Variants in PARVA observed in about 807,000 individuals in gnomAD.
PARVA encodes parvin alpha.
A neutral mutation model predicts 52.6 loss-of-function variants in PARVA; 25 were observed. That is an observed-to-expected ratio of 0.48 (90% CI 0.35 to 0.66). The LOEUF (loss-of-function observed/expected upper bound fraction) is 0.66, where lower values mean the gene tolerates loss of function less well. Among genes scored for constraint, PARVA ranks in the 30% least tolerant of loss-of-function variants. The probability of loss-of-function intolerance (pLI) is 0.01; values close to 1 mark genes in which losing one functional copy is unlikely to be tolerated. For synonymous variants in PARVA, 185 were observed against 179.1 expected, an observed-to-expected ratio of 1.03 and a Z score of -0.26; for missense variants, 373 against 450.9, an observed-to-expected ratio of 0.83 and a Z score of 1.56.
At chr11:12,422,378 A>C (rs1269620084) in intron 1 of PARVA, among the ~76,000 whole-genome samples, 2 of 152,240 alleles carry the variant, frequency 1.3e-5, no homozygotes, top group African/African-American at 4.8e-5. Flanking sequence ...AAGGATAAAA[A>C]ATATGGATGG....
intron 6 of PARVA, among the ~76,000 whole-genome samples, chr11:12,507,059 T>A (rs1352216896): frequency 2.4e-4 from 1 of 4,208 alleles, no homozygotes; most frequent in East Asian, 0.011. Flanking sequence ...AAATGATAGA[T>A]TTTTTTTTTT....
chr11:12,423,239 C>T (rs996899725), intron 1 of PARVA, among the ~76,000 whole-genome samples: 5 of 147,396 alleles, frequency 3.4e-5, no homozygotes, highest in East Asian at 4.0e-4. Context: ...ACTGCAGTGG[C>T]GTGAACACAG....
At chr11:12,513,625 A>G (rs1298675720) in intron 9 of PARVA, 2 of 633,048 alleles carry the variant, frequency 3.2e-6, no homozygotes, top group East Asian at 2.8e-5. Flanking sequence ...CCCACTCCTC[A>G]CAGAATTCCC....
At chr11:12,451,217 A>T (rs964863104) in intron 1 of PARVA, among the ~76,000 whole-genome samples, 2 of 152,106 alleles carry the variant, frequency 1.3e-5, no homozygotes, top group East Asian at 3.9e-4. Flanking sequence ...GGGTCCCCAA[A>T]CTAGTGGAAG....
chr11:12,439,218 A>G (rs1940428007), intron 1 of PARVA, among the ~76,000 whole-genome samples: 1 of 152,140 alleles, frequency 6.6e-6, no homozygotes, highest in Non-Finnish European at 1.5e-5. Context: ...GATGCATCTC[A>G]CTAGGAATAT....
At chr11:12,522,220 CAT>C (rs1247612602) in intron 12 of PARVA, among the ~76,000 whole-genome samples, 2 of 152,110 alleles carry the variant, frequency 1.3e-5, no homozygotes, top group African/African-American at 4.8e-5. Context: ...ATATTCATAT[CAT>C]GGATTATAAT....
intron 12 of PARVA, among the ~76,000 whole-genome samples, chr11:12,525,376 G>A (rs1941687594): frequency 1.3e-5 from 2 of 152,148 alleles, no homozygotes; most frequent in Admixed American, 1.3e-4. Flanking sequence ...GCCTATCATA[G>A]TCTGGCTCCA....
chr11:12,473,226 G>C (rs1323436033), intron 1 of PARVA, among the ~76,000 whole-genome samples: 2 of 152,190 alleles, frequency 1.3e-5, no homozygotes, highest in Non-Finnish European at 2.9e-5. Context: ...TTGGGTGGAG[G>C]TGGGAAGGCA....
At position 12,377,624 on chromosome 11, in the gene PARVA, G is replaced by A; in HGVS notation, c.-24G>A. On this transcript the variant is annotated 5_prime_UTR_variant, in exon 1 of 13. Transcript: ENST00000334956. ...CAGCGCCAGCTCCGCGTCCCGACCG[G>A]CCCGCGGCAGCCTGCGCCGCGCCAT... 2 of 1,561,606 alleles carry A rather than the reference G, an allele frequency of 1.3e-6. No homozygotes were observed. The highest frequency in any genetic ancestry group is 1.4e-5 in the African/African-American group (1 of 70,140).
Position 12,408,613 on chromosome 11 carries a change from A to G in PARVA, c.136+30830A>G, listed in dbSNP as rs78415688. On this transcript the variant is annotated intron_variant, in intron 1 of 12. Coordinates refer to ENST00000334956, the MANE Select transcript of PARVA (RefSeq NM_018222.5). ...GCTAACTAGTTCTGGGAAGTTGGCC[A>G]TATCACTTAGTTTTTTTCATTTATC... 5.9e-3 allele frequency among the ~76,000 whole-genome samples: 896 copies of G among 152,258 alleles called. 12 individuals are homozygous for G. The highest frequency in any genetic ancestry group is 0.021 in the African/African-American group (861 of 41,538).
intron 1 of PARVA, among the ~76,000 whole-genome samples, chr11:12,427,689 G>T (rs1380770872): frequency 2.6e-5 from 4 of 152,162 alleles, no homozygotes; most frequent in Non-Finnish European, 5.9e-5. Flanking sequence ...GTCATCAGCA[G>T]GGTTGAATAA....
intron 4 of PARVA, among the ~76,000 whole-genome samples, chr11:12,483,796 A>G (rs1169654547): frequency 6.6e-6 from 1 of 152,158 alleles, no homozygotes; most frequent in Non-Finnish European, 1.5e-5. Flanking sequence ...CCAATAAAAT[A>G]TTAGCTGCCA....
At chr11:12,517,001 G>A (rs150118491) in intron 10 of PARVA, among the ~76,000 whole-genome samples, 1 of 152,212 alleles carries the variant, frequency 6.6e-6, no homozygotes, top group African/African-American at 2.4e-5. Context: ...CCAGCCCTGT[G>A]TGACACTAGT....
At chr11:12,421,977 C>G (rs1342178395) in intron 1 of PARVA, among the ~76,000 whole-genome samples, 1 of 152,224 alleles carries the variant, frequency 6.6e-6, no homozygotes, top group Admixed American at 6.5e-5. Flanking sequence ...CCAGTTATTG[C>G]TGCTTTAACT....
At chr11:12,500,492 T>C (rs946621135) in intron 5 of PARVA, among the ~76,000 whole-genome samples, 3 of 152,138 alleles carry the variant, frequency 2.0e-5, no homozygotes, top group African/African-American at 7.2e-5. Context: ...AAAGAATATT[T>C]GAAAATAGGC....
intron 10 of PARVA, among the ~76,000 whole-genome samples, 170 bp downstream of exon 10, chr11:12,514,235 T>C (rs1405429970): frequency 6.6e-6 from 1 of 152,224 alleles, no homozygotes; most frequent in Non-Finnish European, 1.5e-5. Context: ...TTTTTCCAAC[T>C]TTTTATTATG....
intron 4 of PARVA, among the ~76,000 whole-genome samples, chr11:12,488,251 AATAG>A (rs1941187465): frequency 6.6e-6 from 1 of 152,224 alleles, no homozygotes; most frequent in Non-Finnish European, 1.5e-5. Context: ...ATGATAAGAA[AATAG>A]ATTTTCATTT....
intron 1 of PARVA, among the ~76,000 whole-genome samples, chr11:12,437,387 G>A (rs554287748): frequency 6.6e-6 from 1 of 152,274 alleles, no homozygotes; most frequent in Admixed American, 6.5e-5. Flanking sequence ...AGCCTCCTAA[G>A]CCTCCTATCA....
intron 5 of PARVA, among the ~76,000 whole-genome samples, chr11:12,497,643 C>T (rs1045513672): frequency 6.6e-6 from 1 of 152,108 alleles, no homozygotes; most frequent in Non-Finnish European, 1.5e-5. Flanking sequence ...GGGAACAGGG[C>T]ACAGGGCGTT....
Sources: allele counts gnomAD v4.1 joint callset (sites outside exome capture counted in the v4.1 genomes callset), GRCh38; gene constraint gnomAD v4.1.1; transcripts MANE v1.5; gene names NCBI Gene and HGNC (gene_info 2026-07-23, HGNC 2026-07-21).